The following DKK2 variants were observed in gnomAD, a reference collection of about 807,000 sequenced individuals.
DKK2 encodes the protein dickkopf-related protein 2.
In DKK2, 11 loss-of-function variants were observed where a neutral mutation model predicts 28.1. The observed-to-expected ratio is 0.39, with a 90% CI of 0.25 to 0.65. The LOEUF (loss-of-function observed/expected upper bound fraction) is 0.65. Ranked by LOEUF, DKK2 falls within the 30% of genes least tolerant of loss-of-function variation. The pLI is 0.47. For synonymous variants in DKK2, 135 were observed against 126.5 expected, an observed-to-expected ratio of 1.07 and a Z score of -0.45; for missense variants, 326 against 335.5, an observed-to-expected ratio of 0.97 and a Z score of 0.22.
At position 106,923,838 on chromosome 4, in the gene DKK2, T is replaced by A; in HGVS notation, c.*116A>T. On this transcript the variant is annotated 3_prime_UTR_variant, in exon 4 of 4. Transcript: ENST00000285311. ...CCCTTTTTGTGATCATCTATATTCT[T>A]ATCACGTTTCTTATTTTAGCCATTC... 7.2e-7 allele frequency: 1 copy of A among 1,380,576 alleles called. No individual in the cohort carries two copies. Among genetic ancestry groups the A allele is most frequent in the Non-Finnish European group, 9.9e-7 (1 of 1,008,884 alleles). The allele number at this position is 1,380,576 out of a possible 1,614,324, so 85.5% of individuals were successfully genotyped here.
intron 1 of DKK2, among the ~76,000 whole-genome samples, chr4:106,977,459 T>A (rs761335560): frequency 6.6e-6 from 1 of 152,122 alleles, no homozygotes; most frequent in Non-Finnish European, 1.5e-5. Context: ...TTTTTCTCTA[T>A]TCTTGTCTTC....
intron 1 of DKK2, among the ~76,000 whole-genome samples, chr4:106,949,005 T>A (rs2110346213): frequency 6.6e-6 from 1 of 152,310 alleles, no homozygotes; most frequent in South Asian, 2.1e-4. Context: ...GAGGCCAATG[T>A]TTTAGCATCA....
intron 1 of DKK2, among the ~76,000 whole-genome samples, chr4:107,007,509 TAAG>T (rs1723454733): frequency 6.6e-6 from 1 of 152,124 alleles, no homozygotes; most frequent in Non-Finnish European, 1.5e-5. Context: ...CACTACAAAA[TAAG>T]AAATGATTTG....
At chr4:107,032,965 ACCAC>A (rs1723896685) in intron 1 of DKK2, among the ~76,000 whole-genome samples, 1 of 152,146 alleles carries the variant, frequency 6.6e-6, no homozygotes, top group Admixed American at 6.5e-5. Context: ...AATGTTGGTG[ACCAC>A]ATAACTATAG....
chr4:106,945,307 A>C (rs898106010), intron 1 of DKK2, among the ~76,000 whole-genome samples: 1 of 152,160 alleles, frequency 6.6e-6, no homozygotes, highest in African/African-American at 2.4e-5. Context: ...TAGAAATGTT[A>C]ATAAGTGTCA....
chr4:106,989,792 T>C (rs1028468760), intron 1 of DKK2, among the ~76,000 whole-genome samples: 1 of 152,194 alleles, frequency 6.6e-6, no homozygotes, highest in Non-Finnish European at 1.5e-5. Flanking sequence ...GATGGCATAT[T>C]CAAGCTATGT....
Position 106,941,750 on chromosome 4 carries a change from CAGAT to C in DKK2, c.223-15805_223-15802del, listed in dbSNP as rs1724703300. 2.6e-5 allele frequency among the ~76,000 whole-genome samples: 4 copies of C among 152,092 alleles called. No individual in the cohort carries two copies. The South Asian group carries it at 8.3e-4, about 32-fold the overall frequency. ...CTAGAAGTGTTGCTTATTTTTCTGA[CAGAT>C]AGAATTTTACAACAGCCAAAGCTAC... On this transcript the variant is annotated intron_variant, in intron 1 of 3. Transcript: ENST00000285311.
chr4:106,982,672 A>G (rs1391805425), intron 1 of DKK2, among the ~76,000 whole-genome samples: 1 of 152,014 alleles, frequency 6.6e-6, no homozygotes, highest in African/African-American at 2.4e-5. Flanking sequence ...TGTCAAACCT[A>G]TGTTTATAGA....
At chr4:106,924,928 A>G (rs937973471) in intron 2 of DKK2, among the ~76,000 whole-genome samples, 1 of 152,174 alleles carries the variant, frequency 6.6e-6, no homozygotes, top group South Asian at 2.1e-4. Context: ...GTGACCTTGG[A>G]CAAAACTGGG....
At chr4:106,962,882 A>G (rs1016794161) in intron 1 of DKK2, among the ~76,000 whole-genome samples, 1 of 152,036 alleles carries the variant, frequency 6.6e-6, no homozygotes, top group Non-Finnish European at 1.5e-5. Flanking sequence ...AAACCAGAAT[A>G]TATAAGGAAC....
At chr4:107,000,575 C>G (rs142730763) in intron 1 of DKK2, among the ~76,000 whole-genome samples, 1 of 152,150 alleles carries the variant, frequency 6.6e-6, no homozygotes, top group Non-Finnish European at 1.5e-5. Context: ...ATATACTAAT[C>G]ATTTTCCATT....
chr4:106,978,905 T>A (rs566598220), intron 1 of DKK2, among the ~76,000 whole-genome samples: 6 of 151,914 alleles, frequency 3.9e-5, no homozygotes, highest in Non-Finnish European at 8.8e-5. Context: ...CCCGAGGGAA[T>A]CTCCTAGTCT....
chr4:107,004,308 C>T (rs1723405584), intron 1 of DKK2, among the ~76,000 whole-genome samples: 1 of 152,260 alleles, frequency 6.6e-6, no homozygotes, highest in East Asian at 1.9e-4. Context: ...CAGTCCAGAT[C>T]ACAATTCTAG....
At chr4:107,017,737 G>A (rs1018352836) in intron 1 of DKK2, among the ~76,000 whole-genome samples, 8 of 150,000 alleles carry the variant, frequency 5.3e-5, no homozygotes, top group Non-Finnish European at 8.8e-5. Flanking sequence ...GAACAGCAAT[G>A]ACATTTCTTC....
intron 1 of DKK2, among the ~76,000 whole-genome samples, chr4:107,004,239 T>A (rs1560590074): frequency 6.6e-6 from 1 of 152,226 alleles, no homozygotes; most frequent in Non-Finnish European, 1.5e-5. Flanking sequence ...TCACTTGACC[T>A]GTGATTCAAG....
chr4:106,954,095 A>G (rs1722545413), intron 1 of DKK2, among the ~76,000 whole-genome samples: 2 of 152,200 alleles, frequency 1.3e-5, no homozygotes, highest in Admixed American at 1.3e-4. Flanking sequence ...AATATTTTTA[A>G]AAGTTATTAT....
chr4:106,995,769 T>C lies in DKK2; in HGVS notation c.222+39601A>G, dbSNP rs534241866. 2.0e-5 allele frequency among the ~76,000 whole-genome samples: 3 copies of C among 152,244 alleles called. No individual in the cohort carries two copies. In the East Asian group the frequency reaches 5.8e-4, roughly 30 times the overall value. On this transcript the variant is annotated intron_variant, in intron 1 of 3. Transcript: ENST00000285311. ...CTGGGACTACAAGCGTGTCCCACCATGCCAGGCTAATTTTTGTATTTTTAG... is the reference window on the plus strand; with the variant it reads ...CTGGGACTACAAGCGTGTCCCACCACGCCAGGCTAATTTTTGTATTTTTAG...
chr4:106,948,562 CA>C (rs1421007276), intron 1 of DKK2, among the ~76,000 whole-genome samples: 1 of 152,114 alleles, frequency 6.6e-6, no homozygotes, highest in Non-Finnish European at 1.5e-5. Context: ...AAGAGTTTGC[CA>C]GCTTAAAAGT....
At chr4:107,004,948 A>G (rs1723414988) in intron 1 of DKK2, among the ~76,000 whole-genome samples, 1 of 152,156 alleles carries the variant, frequency 6.6e-6, no homozygotes, top group Non-Finnish European at 1.5e-5. Flanking sequence ...AAGCTTCTAG[A>G]AACTGGAAAA....
Sources: gnomAD v4.1 joint callset for allele counts (sites outside exome capture counted in the v4.1 genomes callset) on GRCh38, gnomAD v4.1.1 for gene constraint, MANE v1.5 for transcripts, NCBI Gene and HGNC (gene_info 2026-07-23, HGNC 2026-07-21) for gene names.